Variants in KLHL7 observed in about 807,000 individuals in gnomAD.
KLHL7 encodes kelch like family member 7.
A neutral mutation model predicts 67.4 loss-of-function variants in KLHL7; 44 were observed. That is an observed-to-expected ratio of 0.65 (90% confidence interval 0.51 to 0.84). The LOEUF (loss-of-function observed/expected upper bound fraction) is 0.84. KLHL7 is among the 40% of genes least tolerant of loss of function. The probability of loss-of-function intolerance (pLI) is 0.00; values close to 1 mark genes in which losing one functional copy is unlikely to be tolerated. For missense variants in KLHL7, 362 were observed against 718.1 expected (o/e 0.50, Z 5.67); for synonymous variants, 252 against 243.3 (o/e 1.04, Z -0.33).
At chr7:23,144,284 C>T (rs1056705487) in intron 6 of KLHL7, among the ~76,000 whole-genome samples, 8 of 152,242 alleles carry the variant, frequency 5.3e-5, no homozygotes, top group Non-Finnish European at 8.8e-5. Context: ...AACTTTCATG[C>T]GCTTTTGTTT....
intron 7 of KLHL7, among the ~76,000 whole-genome samples, chr7:23,164,505 T>C (rs1047847093): frequency 5.3e-5 from 8 of 152,230 alleles, no homozygotes; most frequent in African/African-American, 1.9e-4. Context: ...CCCCAGTTTT[T>C]CAAGTGTTTA....
At position 23,168,037 on chromosome 7, in the gene KLHL7, C is replaced by T. The variant is rs867595989; in HGVS notation, c.1379C>T (p.Thr460Ile). The change falls in exon 9 of 11, where the codon ACA becomes ATA. Residue 460 changes from threonine (T) to isoleucine (I), a missense_variant and splice_region_variant. By Grantham distance (89) the Thr-to-Ile change is moderately conservative (BLOSUM62 -1). This residue lies in a region of KLHL7 where 136 missense variants were observed against 252.7 expected (regional missense o/e 0.54). Transcript: ENST00000339077. ...GAAGTTTATGATCCTGCCACAGAAA[C>T]GTATGTATCTATTTAAAATTTATTT... Reference protein sequence around the residue: ...SCEVYDPATETWTELCPMIEA... With the variant: ...SCEVYDPATEIWTELCPMIEA... 1.1e-5 allele frequency: 18 copies of T among 1,612,050 alleles called. No individual in the cohort carries two copies. The highest frequency in any genetic ancestry group is 1.4e-5 in the Non-Finnish European group (17 of 1,178,210).
At chr7:23,147,367 G>A (rs975516785) in intron 6 of KLHL7, among the ~76,000 whole-genome samples, 2 of 152,158 alleles carry the variant, frequency 1.3e-5, no homozygotes, top group African/African-American at 4.8e-5. Flanking sequence ...TGGGATTACA[G>A]GTGTGAGCCA....
intron 6 of KLHL7, among the ~76,000 whole-genome samples, chr7:23,148,494 A>G (rs932220321): frequency 3.9e-5 from 6 of 152,096 alleles, no homozygotes; most frequent in African/African-American, 1.4e-4. Context: ...TAGAACGTAC[A>G]TGGCCACTTG....
In KLHL7 at chr7:23,147,591, G is replaced by A. The variant is rs368739534; in HGVS notation, c.793+3566G>A. Among the ~76,000 whole-genome samples the A allele has an allele frequency of 3.9e-5, 6 of 152,162 alleles. No homozygotes were observed. In the East Asian group the frequency reaches 1.2e-3, roughly 29 times the overall value. On this transcript the variant is annotated intron_variant, in intron 6 of 10. Coordinates refer to ENST00000339077, the MANE Select transcript of KLHL7 (RefSeq NM_001031710.3). ...CCTTATATGTTTTGTAATTTTGAAT[G>A]GTATGCTTATATTTGATTGACCTTA...
chr7:23,161,328 G>A (rs937395613), intron 7 of KLHL7, among the ~76,000 whole-genome samples: 1 of 152,140 alleles, frequency 6.6e-6, no homozygotes, highest in African/African-American at 2.4e-5. Context: ...ACATCAGTGA[G>A]AATGTCATCA....
intron 7 of KLHL7, among the ~76,000 whole-genome samples, chr7:23,153,923 C>A (rs1395160934): frequency 6.6e-6 from 1 of 152,194 alleles, no homozygotes; most frequent in Non-Finnish European, 1.5e-5. Flanking sequence ...TGCTGTAGAT[C>A]AGGGCTCCAC....
rs1785259988 is a variant in KLHL7 at position 23,174,846 on chromosome 7, C to T, written c.*548C>T. 1 of 454,434 alleles carries T rather than the reference C, an allele frequency of 2.2e-6. No individual in the cohort carries two copies. Among genetic ancestry groups the T allele is most frequent in the African/African-American group, 2.0e-5 (1 of 49,998 alleles). 28.2% of individuals were successfully genotyped at this position (454,434 alleles called of 1,614,324 possible). On this transcript the variant is annotated 3_prime_UTR_variant, in exon 11 of 11. Transcript: ENST00000339077. ...GCCAGAGTGAGTCAAGGCATATACA[C>T]ACTTTCTCACAAAACTTCCTAAACA... is the stretch of plus-strand genomic sequence containing the variant.
chr7:23,123,289 G>C (rs548936765), intron 1 of KLHL7, among the ~76,000 whole-genome samples: 1 of 152,270 alleles, frequency 6.6e-6, no homozygotes, highest in South Asian at 2.1e-4. Flanking sequence ...TTTCAAGTTA[G>C]ATCTGTGAAT....
At chr7:23,173,872 C>T in intron 10 of KLHL7, 143 bp from the exon 11 acceptor site, 1 of 765,116 alleles carries the variant, frequency 1.3e-6, no homozygotes, top group South Asian at 1.7e-5. Flanking sequence ...TGTGGACATT[C>T]ACTGTAAAAT....
chr7:23,165,224 A>G (rs891479628), intron 7 of KLHL7, among the ~76,000 whole-genome samples: 1 of 152,204 alleles, frequency 6.6e-6, no homozygotes, highest in Admixed American at 6.5e-5. Flanking sequence ...AGTCCACAAA[A>G]TACCTTCTGG....
chr7:23,141,702 A>G (rs1288710185), intron 5 of KLHL7, among the ~76,000 whole-genome samples: 1 of 152,070 alleles, frequency 6.6e-6, no homozygotes, highest in Non-Finnish European at 1.5e-5. Context: ...TGCTCACTGC[A>G]AGCTCCTTCT....
chr7:23,170,142 A>G (rs1279965247), intron 9 of KLHL7, among the ~76,000 whole-genome samples: 2 of 152,160 alleles, frequency 1.3e-5, no homozygotes, highest in Admixed American at 1.3e-4. Context: ...TGAACCCGGG[A>G]GGTGGAGGTT....
chr7:23,170,151 T>C lies in KLHL7; in HGVS notation c.1379+2114T>C, dbSNP rs555892176. Among the ~76,000 whole-genome samples, 7 of 151,916 alleles carry C rather than the reference T, an allele frequency of 4.6e-5. No individual in the cohort carries two copies. In the South Asian group the frequency reaches 1.5e-3, roughly 32 times the overall value. Reference sequence around the variant, plus strand: ...ATCATTTGAACCCGGGAGGTGGAGGTTGTAGTGAGCTGAGATCGTGCCATT... The same window carrying C: ...ATCATTTGAACCCGGGAGGTGGAGGCTGTAGTGAGCTGAGATCGTGCCATT... On this transcript the variant is annotated intron_variant, in intron 9 of 10. Coordinates refer to ENST00000339077, the MANE Select transcript of KLHL7 (RefSeq NM_001031710.3).
chr7:23,139,820 A>T (rs1279617356), intron 4 of KLHL7, among the ~76,000 whole-genome samples: 1 of 152,222 alleles, frequency 6.6e-6, no homozygotes, highest in East Asian at 1.9e-4. Flanking sequence ...TCAGAAAAGT[A>T]AATATTTTAG....
chr7:23,148,792 G>A (rs989902983), intron 6 of KLHL7, among the ~76,000 whole-genome samples: 15 of 152,190 alleles, frequency 9.9e-5, no homozygotes, highest in African/African-American at 2.9e-4. Flanking sequence ...CCAAGTGTGA[G>A]GATTAGACAC....
At chr7:23,133,389 T>A (rs551961770) in intron 4 of KLHL7, among the ~76,000 whole-genome samples, 1 of 152,054 alleles carries the variant, frequency 6.6e-6, no homozygotes, top group Non-Finnish European at 1.5e-5. Context: ...TTTATGTATG[T>A]GTGGCTATTG....
intron 8 of KLHL7, among the ~76,000 whole-genome samples, chr7:23,167,103 T>C (rs1033849540): frequency 3.9e-5 from 6 of 152,168 alleles, no homozygotes; most frequent in Non-Finnish European, 8.8e-5. Flanking sequence ...GAGAAATAGT[T>C]TGGTAACTTC....
At chr7:23,117,893 C>T in intron 1 of KLHL7, 2 of 1,613,976 alleles carry the variant, frequency 1.2e-6, no homozygotes, top group Non-Finnish European at 1.7e-6. Flanking sequence ...GATTTATACT[C>T]AATGCCAATT....
Sources: allele counts gnomAD v4.1 joint callset (sites outside exome capture counted in the v4.1 genomes callset), GRCh38; gene constraint gnomAD v4.1.1; regional missense constraint gnomAD v4.1.1; transcripts MANE v1.5; gene names NCBI Gene and HGNC (gene_info 2026-07-23, HGNC 2026-07-21).